PPP2R2B: variants seen among roughly 807,000 people sequenced by gnomAD.
PPP2R2B encodes protein phosphatase 2 regulatory subunit Bbeta, also known as serine/threonine-protein phosphatase 2A 55 kDa regulatory subunit B beta isoform.
A neutral mutation model predicts 46.0 loss-of-function variants in PPP2R2B; 5 were observed. The observed-to-expected ratio is 0.11, with a 90% CI of 0.06 to 0.23. The LOEUF (loss-of-function observed/expected upper bound fraction) is 0.23, where lower values mean the gene tolerates loss of function less well. PPP2R2B is among the 10% of genes least tolerant of loss of function. PPP2R2B has a pLI of 1.00. For missense variants in PPP2R2B, 367 were observed against 575.0 expected (o/e 0.64, Z 3.70); for synonymous variants, 215 against 206.7 (o/e 1.04, Z -0.34).
chr5:146,725,043 A>C (rs79336445), intron 2 of PPP2R2B, among the ~76,000 whole-genome samples: 8,898 of 152,198 alleles, frequency 0.058, 862 homozygotes, highest in African/African-American at 0.2. Context: ...TACTTCTATT[A>C]ATGCGATCAA....
At chr5:146,732,328 T>A in intron 2 of PPP2R2B, among the ~76,000 whole-genome samples, 1 of 152,348 alleles carries the variant, frequency 6.6e-6, no homozygotes, top group East Asian at 1.9e-4. Flanking sequence ...GCTATAGCAC[T>A]GATAAATGAT....
chr5:146,877,974 C>A, intron 2 of PPP2R2B, 28 bp downstream of exon 2: 9 of 1,605,708 alleles, frequency 5.6e-6, no homozygotes, highest in Non-Finnish European at 7.7e-6. Context: ...CCGGCCCCAA[C>A]GGCGGAATGC....
intron 2 of PPP2R2B, among the ~76,000 whole-genome samples, chr5:147,077,407 C>A (rs1757822816): frequency 6.6e-6 from 1 of 151,580 alleles, no homozygotes; most frequent in East Asian, 1.9e-4. Context: ...GAGACATTAA[C>A]TTGCCAAGGT....
At chr5:146,675,337 T>C (rs1045930658) in intron 5 of PPP2R2B, among the ~76,000 whole-genome samples, 3 of 152,232 alleles carry the variant, frequency 2.0e-5, no homozygotes, top group African/African-American at 7.2e-5. Context: ...TTTGAATCTT[T>C]ATTGAGCATC....
At chr5:146,812,805 A>ATATATATATATATG (rs1757687927) in intron 2 of PPP2R2B, among the ~76,000 whole-genome samples, 1 of 57,156 alleles carries the variant, frequency 1.7e-5, no homozygotes, top group Non-Finnish European at 3.3e-5. Context: ...ATATATATAT[A>ATATATATATATATG]TATATATATA....
intron 7 of PPP2R2B, among the ~76,000 whole-genome samples, chr5:146,623,656 C>T (rs1317133354): frequency 1.3e-5 from 2 of 152,166 alleles, no homozygotes; most frequent in Non-Finnish European, 2.9e-5. Flanking sequence ...ATTAAGGATG[C>T]CCATACATGA....
At chr5:146,597,051 A>T (rs1771244749) in intron 8 of PPP2R2B, among the ~76,000 whole-genome samples, 1 of 152,162 alleles carries the variant, frequency 6.6e-6, no homozygotes, top group South Asian at 2.1e-4. Flanking sequence ...GTTGCTCCAG[A>T]CAACTATTCC....
chr5:146,940,729 A>G (rs972360354), intron 1 of PPP2R2B, among the ~76,000 whole-genome samples: 2 of 152,164 alleles, frequency 1.3e-5, no homozygotes, highest in Non-Finnish European at 2.9e-5. Flanking sequence ...CCCCTTAGTT[A>G]TCTTCCAAAT....
At chr5:146,675,791 G>A (rs1442379374) in intron 5 of PPP2R2B, among the ~76,000 whole-genome samples, 1 of 151,836 alleles carries the variant, frequency 6.6e-6, no homozygotes, top group Admixed American at 6.6e-5. Flanking sequence ...CTTTTTTATG[G>A]TTCTGCACTG....
intron 2 of PPP2R2B, among the ~76,000 whole-genome samples, chr5:147,063,141 T>C (rs1418781187): frequency 6.6e-6 from 1 of 151,590 alleles, no homozygotes; most frequent in Non-Finnish European, 1.5e-5. Flanking sequence ...TATATAAATA[T>C]TACAGAAGGG....
chr5:146,961,752 C>T (rs1752181021), intron 1 of PPP2R2B, among the ~76,000 whole-genome samples: 1 of 152,114 alleles, frequency 6.6e-6, no homozygotes, highest in Admixed American at 6.5e-5. Context: ...AACATCAGTA[C>T]TGGATATTTA....
chr5:147,030,257 A>T (rs1283547742), intron 1 of PPP2R2B, among the ~76,000 whole-genome samples: 1 of 152,162 alleles, frequency 6.6e-6, no homozygotes, highest in Non-Finnish European at 1.5e-5. Context: ...CTTATAAATG[A>T]TATAACCCCC....
chr5:146,761,481 A>G (rs1413729127), intron 2 of PPP2R2B, among the ~76,000 whole-genome samples: 1 of 152,232 alleles, frequency 6.6e-6, no homozygotes, highest in African/African-American at 2.4e-5. Context: ...ACATGGACAC[A>G]GGAAGGGGAA....
intron 2 of PPP2R2B, among the ~76,000 whole-genome samples, chr5:146,807,056 T>C (rs967001213): frequency 6.6e-6 from 1 of 152,186 alleles, no homozygotes; most frequent in Admixed American, 6.5e-5. Flanking sequence ...TAGGAGCCTT[T>C]GGGAGACCTG....
At chr5:147,053,302 A>G in intron 1 of PPP2R2B, among the ~76,000 whole-genome samples, 1 of 152,044 alleles carries the variant, frequency 6.6e-6, no homozygotes, top group South Asian at 2.1e-4. Flanking sequence ...TTGGGAAGAC[A>G]AGCCAAGTTT....
chr5:146,794,769 C>T (rs962941176), intron 2 of PPP2R2B, among the ~76,000 whole-genome samples: 3 of 152,114 alleles, frequency 2.0e-5, no homozygotes, highest in East Asian at 1.9e-4. Flanking sequence ...TTGAAAACAG[C>T]CCTTATGAAT....
In PPP2R2B at chr5:146,906,668, A is replaced by G. The variant is rs1160525639; in HGVS notation, c.79+148997T>C. Among the ~76,000 whole-genome samples, 3 of 152,228 alleles carry G rather than the reference A, an allele frequency of 2.0e-5. No individual in the cohort carries two copies. The East Asian group carries it at 5.8e-4, about 29-fold the overall frequency. On this transcript the variant is annotated intron_variant, in intron 1 of 8. Coordinates refer to the PPP2R2B transcript ENST00000336640. Reference sequence around the variant, plus strand: ...ACACATAATGATTATGCATCATCATATTTATGGGGCACAGAGTGATATCTC... The same window carrying G: ...ACACATAATGATTATGCATCATCATGTTTATGGGGCACAGAGTGATATCTC...
At chr5:146,927,445 T>G (rs1192326429) in intron 1 of PPP2R2B, among the ~76,000 whole-genome samples, 2 of 152,194 alleles carry the variant, frequency 1.3e-5, no homozygotes, top group Non-Finnish European at 2.9e-5. Flanking sequence ...TATAGTACTA[T>G]TGATATAAAC....
At chr5:146,733,929 C>T (rs959627) in intron 2 of PPP2R2B, among the ~76,000 whole-genome samples, 74,830 of 151,946 alleles carry the variant, frequency 0.49, 23,137 homozygotes, top group African/African-American at 0.87. Context: ...GCAGTAGTAG[C>T]AGTGGTGGTG....
Sources: allele counts gnomAD v4.1 joint callset (sites outside exome capture counted in the v4.1 genomes callset), GRCh38; gene constraint gnomAD v4.1.1; transcripts MANE v1.5; gene names NCBI Gene and HGNC (gene_info 2026-07-23, HGNC 2026-07-21).